The following DAW1 variants were observed in gnomAD, a reference collection of about 807,000 sequenced individuals.
The protein encoded by DAW1 is dynein assembly factor with WD repeats 1.
Under a neutral mutation model 56.5 loss-of-function variants are expected in DAW1, and 47 were observed. That is an observed-to-expected ratio of 0.83 (90% CI 0.66 to 1.06). The LOEUF is 1.06. Ranked by LOEUF, DAW1 falls within the 50% of genes least tolerant of loss-of-function variation. The pLI, the probability that DAW1 is intolerant of heterozygous loss-of-function variation, is 0.00. For synonymous variants in DAW1, 190 were observed against 179.0 expected, an observed-to-expected ratio of 1.06 and a Z score of -0.49; for missense variants, 505 against 499.3, an observed-to-expected ratio of 1.01 and a Z score of -0.11.
At position 227,906,229 on chromosome 2, in the gene DAW1, G is replaced by A; in HGVS notation, c.756-7G>A. 1 of 1,600,824 alleles carries A rather than the reference G, an allele frequency of 6.2e-7. No homozygotes were observed. Among genetic ancestry groups the A allele is most frequent in the East Asian group, 2.2e-5 (1 of 44,620 alleles). The stretch of plus-strand genomic sequence containing the variant: ...TTTCACTAGTTTTAATTATTTTTGT[G>A]TTGTAGGAAGGTAAATATCTTAATT... On this transcript the variant is annotated splice_polypyrimidine_tract_variant and splice_region_variant and intron_variant, in intron 8 of 12. Transcript: ENST00000309931.
intron 12 of DAW1, among the ~76,000 whole-genome samples, chr2:227,921,814 G>T (rs1386669941): frequency 1.3e-5 from 2 of 152,172 alleles, no homozygotes; most frequent in Non-Finnish European, 2.9e-5. Context: ...GTAACAATTT[G>T]ATAGCCTGCC....
At chr2:227,921,835 C>T (rs1692118247) in intron 12 of DAW1, among the ~76,000 whole-genome samples, 1 of 152,208 alleles carries the variant, frequency 6.6e-6, no homozygotes, top group South Asian at 2.1e-4. Flanking sequence ...TTACAGGTTA[C>T]TAAATTTCCC....
chr2:227,871,704 C>T lies in DAW1; in HGVS notation c.15C>T (p.Ser5=). 1.9e-6 allele frequency: 3 copies of T among 1,613,914 alleles called. No homozygotes were observed. The highest frequency in any genetic ancestry group is 2.5e-6 in the Non-Finnish European group (3 of 1,179,930). The change falls in exon 1 of 13, where the codon AGC becomes AGT. Residue 5 remains serine, a synonymous_variant. Transcript: ENST00000309931. ...AGAGCAAGAAAATGAAGCTCAAGAGCCTCCTGCTCCGGTATTACCCGCCAG... is the reference window on the plus strand; with the variant it reads ...AGAGCAAGAAAATGAAGCTCAAGAGTCTCCTGCTCCGGTATTACCCGCCAG... MKLK[S]LLLRYYPPGI...
intron 1 of DAW1, among the ~76,000 whole-genome samples, chr2:227,876,871 A>G (rs1290470409): frequency 6.6e-6 from 1 of 152,212 alleles, no homozygotes; most frequent in Non-Finnish European, 1.5e-5. Context: ...TATTTCATTT[A>G]TTGTGTGAAG....
At chr2:227,882,068 T>C (rs577186843) in intron 1 of DAW1, among the ~76,000 whole-genome samples, 7 of 152,312 alleles carry the variant, frequency 4.6e-5, no homozygotes, top group Admixed American at 1.3e-4. Context: ...ACATTCTTTC[T>C]CAATGGCTCA....
At chr2:227,921,702 T>C in intron 12 of DAW1, 141 bp downstream of exon 12, 1 of 861,118 alleles carries the variant, frequency 1.2e-6, no homozygotes, top group Middle Eastern at 2.9e-4. Flanking sequence ...CCCTCATATT[T>C]TCATTATTTA....
At chr2:227,921,053 C>T (rs1188750566) in intron 11 of DAW1, among the ~76,000 whole-genome samples, 3 of 152,164 alleles carry the variant, frequency 2.0e-5, no homozygotes, top group Non-Finnish European at 4.4e-5. Context: ...TGTGTTCATC[C>T]ACACCAGGGC....
chr2:227,919,531 C>T (rs1374782499), intron 11 of DAW1, among the ~76,000 whole-genome samples: 1 of 152,008 alleles, frequency 6.6e-6, no homozygotes, highest in Admixed American at 6.6e-5. Context: ...TGCTGGGCAG[C>T]AAGTATCAAG....
intron 11 of DAW1, 84 bp downstream of exon 11, chr2:227,918,940 A>G (rs1164744147): frequency 2.3e-6 from 3 of 1,325,040 alleles, no homozygotes; most frequent in Non-Finnish European, 3.2e-6. Context: ...CACACCTATA[A>G]TCCCAGCACT....
At position 227,889,694 on chromosome 2, in the gene DAW1, T is replaced by G. The variant is rs915353194; in HGVS notation, c.114-162T>G. 1.4e-5 allele frequency: 7 copies of G among 507,218 alleles called. No individual in the cohort carries two copies. The African/African-American group carries it at 1.4e-4, about 10-fold the overall frequency. 31.4% of individuals were successfully genotyped at this position (507,218 alleles called of 1,614,324 possible). A position where few individuals can be genotyped will look rare whatever the true frequency, so the allele number is the denominator to read the frequency against. ...ATCATCTATTTACTGATTTGTATGA[T>G]CCTCCCCGCCCCACCCCCAGATATC... is the stretch of plus-strand genomic sequence containing the variant. On this transcript the variant is annotated intron_variant, in intron 2 of 12. Coordinates refer to ENST00000309931, the MANE Select transcript of DAW1 (RefSeq NM_178821.3).
At chr2:227,894,645 G>GA (rs1228154287) in intron 5 of DAW1, among the ~76,000 whole-genome samples, 4 of 152,022 alleles carry the variant, frequency 2.6e-5, no homozygotes, top group Non-Finnish European at 2.9e-5. Flanking sequence ...TGCCAGGCAG[G>GA]AAAAAAATGT....
At chr2:227,915,013 T>G (rs1691918508) in intron 10 of DAW1, among the ~76,000 whole-genome samples, 1 of 152,044 alleles carries the variant, frequency 6.6e-6, no homozygotes, top group Non-Finnish European at 1.5e-5. Context: ...TGTATGATAC[T>G]GCTGTACTAT....
In DAW1 at chr2:227,907,130, A is replaced by G. The variant is rs764383272; in HGVS notation, c.859-8A>G. On this transcript the variant is annotated splice_polypyrimidine_tract_variant and splice_region_variant and intron_variant, in intron 9 of 12. Transcript: ENST00000309931. ...TTTTTTTTTTGTTTTTTGTTCTTTT[A>G]ATTGTAGCTGTGGGATGCTACAAAT... 3 of 1,583,856 alleles carry G rather than the reference A, an allele frequency of 1.9e-6. No individual in the cohort carries two copies. The highest frequency in any genetic ancestry group is 2.6e-6 in the Non-Finnish European group (3 of 1,167,410).
intron 5 of DAW1, among the ~76,000 whole-genome samples, chr2:227,896,027 G>T (rs116256822): frequency 1.9e-3 from 293 of 152,154 alleles, no homozygotes; most frequent in African/African-American, 5.9e-3. Flanking sequence ...TGATATCTAG[G>T]TTGCCAATAT....
chr2:227,892,426 G>A (rs777417467), intron 4 of DAW1, among the ~76,000 whole-genome samples: 37 of 152,062 alleles, frequency 2.4e-4, no homozygotes, highest in Non-Finnish European at 4.7e-4. Flanking sequence ...GAGCCACCAC[G>A]CCCAGCCGTA....
intron 10 of DAW1, among the ~76,000 whole-genome samples, chr2:227,907,976 A>G (rs893455859): frequency 6.6e-6 from 1 of 152,238 alleles, no homozygotes; most frequent in Admixed American, 6.5e-5. Context: ...CTTTGTGATA[A>G]GCATACATGA....
At chr2:227,920,535 G>T (rs144748092) in intron 11 of DAW1, among the ~76,000 whole-genome samples, 2 of 152,318 alleles carry the variant, frequency 1.3e-5, no homozygotes, top group Admixed American at 1.3e-4. Flanking sequence ...AGGCACAGAA[G>T]CGTATTTATG....
intron 10 of DAW1, 138 bp from the exon 11 acceptor site, chr2:227,918,641 GC>G: frequency 1.2e-6 from 1 of 860,876 alleles, no homozygotes; most frequent in Non-Finnish European, 1.8e-6. Flanking sequence ...TAAGTATCTG[GC>G]TCTCAACACA....
At chr2:227,888,940 T>C (rs1393168577) in intron 2 of DAW1, among the ~76,000 whole-genome samples, 1 of 152,190 alleles carries the variant, frequency 6.6e-6, no homozygotes, top group Admixed American at 6.5e-5. Context: ...TTAATATTAG[T>C]CTTATGATGC....
Sources: gnomAD v4.1 joint callset for allele counts (sites outside exome capture counted in the v4.1 genomes callset) on GRCh38, gnomAD v4.1.1 for gene constraint, MANE v1.5 for transcripts, NCBI Gene and HGNC (gene_info 2026-07-23, HGNC 2026-07-21) for gene names.